The following FAM227B variants were observed in gnomAD, a reference collection of about 807,000 sequenced individuals.
FAM227B encodes the protein protein FAM227B.
FAM227B carries 88 observed loss-of-function variants against 73.8 expected under a neutral mutation model. That is an observed-to-expected ratio of 1.19 (90% CI 1.00 to 1.42). The LOEUF (loss-of-function observed/expected upper bound fraction) is 1.42, where lower values mean the gene tolerates loss of function less well. FAM227B is among the 40% of genes most tolerant of loss of function. The pLI, the probability that FAM227B is intolerant of heterozygous loss-of-function variation, is 0.00. For missense variants in FAM227B, 632 were observed against 590.9 expected (o/e 1.07, Z -0.72); for synonymous variants, 210 against 190.5 (o/e 1.10, Z -0.84).
intron 10 of FAM227B, among the ~76,000 whole-genome samples, chr15:49,510,065 T>C (rs1275549686): frequency 1.3e-5 from 2 of 151,968 alleles, no homozygotes; most frequent in East Asian, 1.9e-4. Context: ...CCCATAACCA[T>C]AGCACACACA....
At chr15:49,361,919 C>G (rs1364494645) in intron 13 of FAM227B, among the ~76,000 whole-genome samples, 1 of 152,136 alleles carries the variant, frequency 6.6e-6, no homozygotes, top group Non-Finnish European at 1.5e-5. Flanking sequence ...TATTTTTTGA[C>G]TTTTCCATAG....
chr15:49,435,242 C>G (rs746331459), intron 11 of FAM227B, among the ~76,000 whole-genome samples: 1 of 151,428 alleles, frequency 6.6e-6, no homozygotes, highest in Non-Finnish European at 1.5e-5. Context: ...ACTGTAAAAT[C>G]GAAGTAATCT....
chr15:49,493,166 T>C (rs1449080685), intron 11 of FAM227B, among the ~76,000 whole-genome samples: 2 of 152,002 alleles, frequency 1.3e-5, no homozygotes, highest in African/African-American at 4.8e-5. Flanking sequence ...TAGCATCCTA[T>C]TTGTTTTTCT....
At chr15:49,419,534 TAGGAATTAA>T (rs1597065557) in intron 11 of FAM227B, among the ~76,000 whole-genome samples, 1 of 152,144 alleles carries the variant, frequency 6.6e-6, no homozygotes, top group East Asian at 1.9e-4. Context: ...ATTCTGCCAA[TAGGAATTAA>T]GTTTTGACCA....
chr15:49,530,684 A>G (rs891368693), intron 10 of FAM227B, among the ~76,000 whole-genome samples: 23 of 151,944 alleles, frequency 1.5e-4, no homozygotes, highest in African/African-American at 4.8e-4. Flanking sequence ...TAGCTAAAAT[A>G]CCAAAAACTA....
intron 3 of FAM227B, among the ~76,000 whole-genome samples, chr15:49,591,031 T>G (rs2076509062): frequency 1.4e-5 from 2 of 140,276 alleles, no homozygotes; most frequent in Non-Finnish European, 3.1e-5. Context: ...TTTTTTTTGT[T>G]TTTTTTTTTT....
At chr15:49,519,999 C>T (rs980978900) in intron 10 of FAM227B, among the ~76,000 whole-genome samples, 1 of 152,086 alleles carries the variant, frequency 6.6e-6, no homozygotes, top group East Asian at 1.9e-4. Flanking sequence ...TTAAGAGCAC[C>T]CAAGTCACAT....
intron 9 of FAM227B, among the ~76,000 whole-genome samples, chr15:49,554,753 T>C (rs1009220272): frequency 2.6e-5 from 4 of 152,234 alleles, no homozygotes; most frequent in Non-Finnish European, 4.4e-5. Flanking sequence ...CTAGGCACTA[T>C]AAGTACTTGG....
chr15:49,529,285 T>A (rs1427792999), intron 10 of FAM227B, among the ~76,000 whole-genome samples: 1 of 151,090 alleles, frequency 6.6e-6, no homozygotes, highest in Non-Finnish European at 1.5e-5. Context: ...CACATGGATA[T>A]AAAGATTAAA....
chr15:49,483,094 T>G, intron 11 of FAM227B: 4 of 937,546 alleles, frequency 4.3e-6, no homozygotes, highest in Non-Finnish European at 6.9e-6. Flanking sequence ...TGGCCATTCG[T>G]GGATCATTTG....
intron 10 of FAM227B, among the ~76,000 whole-genome samples, chr15:49,529,776 A>C (rs1038448800): frequency 1.3e-5 from 2 of 151,646 alleles, no homozygotes; most frequent in African/African-American, 4.8e-5. Context: ...TTCTTCTCTC[A>C]TCTCTAAATC....
chr15:49,336,883 G>T (rs1474969282), intron 13 of FAM227B, among the ~76,000 whole-genome samples: 1 of 152,114 alleles, frequency 6.6e-6, no homozygotes, highest in South Asian at 2.1e-4. Context: ...ACAGTATGCA[G>T]TGTCTATTGT....
intron 13 of FAM227B, among the ~76,000 whole-genome samples, chr15:49,355,270 C>T: frequency 6.6e-6 from 1 of 152,208 alleles, no homozygotes; most frequent in Non-Finnish European, 1.5e-5. Context: ...GAGAAGAAGG[C>T]TTCAGACTAT....
At chr15:49,418,350 A>G (rs1437023809) in intron 11 of FAM227B, among the ~76,000 whole-genome samples, 3 of 152,208 alleles carry the variant, frequency 2.0e-5, no homozygotes, top group Non-Finnish European at 4.4e-5. Flanking sequence ...TACCATAAAG[A>G]CACATGCATG....
intron 11 of FAM227B, among the ~76,000 whole-genome samples, chr15:49,456,563 G>T (rs1222155289): frequency 6.6e-6 from 1 of 152,052 alleles, no homozygotes; most frequent in Non-Finnish European, 1.5e-5. Context: ...GACTATTCAA[G>T]AATTACTTTT....
At chr15:49,576,944 C>G (rs12912703) in intron 6 of FAM227B, 99 bp from the exon 7 acceptor site, 185,409 of 635,008 alleles carry the variant, frequency 0.29, 29,642 homozygotes, top group Non-Finnish European at 0.35. Context: ...CTATCACTCA[C>G]TAACATAATT....
At chr15:49,442,532 T>C (rs2051761558) in intron 11 of FAM227B, among the ~76,000 whole-genome samples, 1 of 151,726 alleles carries the variant, frequency 6.6e-6, no homozygotes, top group African/African-American at 2.4e-5. Context: ...TTTCCATCTA[T>C]TATATTACCT....
At chr15:49,464,178 T>C (rs2413946) in intron 11 of FAM227B, among the ~76,000 whole-genome samples, 49,227 of 151,920 alleles carry the variant, frequency 0.32, 8,687 homozygotes, top group African/African-American at 0.45. Flanking sequence ...GGAGGGTAGG[T>C]AATCAGAATC....
At chr15:49,470,974 C>T (rs552897877) in intron 11 of FAM227B, among the ~76,000 whole-genome samples, 1 of 152,158 alleles carries the variant, frequency 6.6e-6, no homozygotes, top group African/African-American at 2.4e-5. Flanking sequence ...GTGTTTGTTC[C>T]ACATCTTGTG....
Sources: gnomAD v4.1 joint callset for allele counts (sites outside exome capture counted in the v4.1 genomes callset) on GRCh38, gnomAD v4.1.1 for gene constraint, MANE v1.5 for transcripts, NCBI Gene and HGNC (gene_info 2026-07-23, HGNC 2026-07-21) for gene names.